Variants in OMD observed in about 807,000 individuals in gnomAD.
OMD encodes osteomodulin.
Under a neutral mutation model 31.2 loss-of-function variants are expected in OMD, and 19 were observed. The ratio of observed to expected loss-of-function variants is 0.61; its 90% CI spans 0.42 to 0.89. OMD has a LOEUF of 0.89. Ranked by LOEUF, OMD falls within the 40% of genes least tolerant of loss-of-function variation. The pLI, the probability that OMD is intolerant of heterozygous loss-of-function variation, is 0.00. For synonymous variants in OMD, 155 were observed against 166.4 expected, an observed-to-expected ratio of 0.93 and a Z score of 0.53; for missense variants, 448 against 490.8, an observed-to-expected ratio of 0.91 and a Z score of 0.82.
intron 1 of OMD, among the ~76,000 whole-genome samples, chr9:92,421,515 G>A (rs1843793843): frequency 1.3e-5 from 2 of 152,256 alleles, no homozygotes; most frequent in Admixed American, 1.3e-4. Flanking sequence ...CCAAAGGGCA[G>A]TGTTCAGAGC....
At chr9:92,419,408 C>G (rs1843718941) in intron 1 of OMD, among the ~76,000 whole-genome samples, 1 of 147,828 alleles carries the variant, frequency 6.8e-6, no homozygotes, top group South Asian at 2.2e-4. Context: ...TTAAGCAATT[C>G]TCCTGCCTCA....
At position 92,417,582 on chromosome 9, in the gene OMD, A is replaced by G. The variant is rs1013099278; in HGVS notation, c.-16-8T>C. On this transcript the variant is annotated splice_polypyrimidine_tract_variant and splice_region_variant and intron_variant, in intron 1 of 2. Coordinates refer to ENST00000375550, the MANE Select transcript of OMD (RefSeq NM_005014.3). ...ATCTTCTTTTTTTTTTTCCTATTGCAAGGAGAAAAGGAAACATTGTGGAGA... is the reference window on the plus strand; with the variant it reads ...ATCTTCTTTTTTTTTTTCCTATTGCGAGGAGAAAAGGAAACATTGTGGAGA... 1.0e-5 allele frequency: 14 copies of G among 1,392,934 alleles called. No homozygotes were observed. Among genetic ancestry groups the G allele is most frequent in the South Asian group, 1.3e-5 (1 of 74,278 alleles). The allele number at this position is 1,392,934 out of a possible 1,614,324, so 86.3% of individuals were successfully genotyped here.
chr9:92,420,357 T>C (rs2130967296), intron 1 of OMD, among the ~76,000 whole-genome samples: 1 of 152,338 alleles, frequency 6.6e-6, no homozygotes, highest in East Asian at 1.9e-4. Flanking sequence ...CTTTTGCACA[T>C]GCCCTAAACT....
chr9:92,419,772 T>C (rs1389904038), intron 1 of OMD, among the ~76,000 whole-genome samples: 1 of 152,194 alleles, frequency 6.6e-6, no homozygotes, highest in Non-Finnish European at 1.5e-5. Flanking sequence ...CTTTCTACTT[T>C]TCCCACCCAG....
intron 1 of OMD, among the ~76,000 whole-genome samples, chr9:92,423,959 AT>A (rs906284166): frequency 7.9e-5 from 12 of 152,138 alleles, no homozygotes; most frequent in African/African-American, 2.9e-4. Flanking sequence ...GTAAAAAAAA[AT>A]CTAAACAAAG....
chr9:92,419,741 C>A (rs1843730158), intron 1 of OMD, among the ~76,000 whole-genome samples: 1 of 152,100 alleles, frequency 6.6e-6, no homozygotes, highest in Non-Finnish European at 1.5e-5. Context: ...TTAAAAAATC[C>A]TACCTCTTTT....
At chr9:92,422,135 C>T (rs542213157) in intron 1 of OMD, among the ~76,000 whole-genome samples, 4 of 152,064 alleles carry the variant, frequency 2.6e-5, no homozygotes, top group African/African-American at 9.6e-5. Flanking sequence ...ACTGCAACCT[C>T]CGCCTCCCAG....
Position 92,417,037 on chromosome 9 carries a change from G to A in OMD, c.522C>T (p.Ile174=). The change falls in exon 2 of 3, where the codon ATC becomes ATT. Residue 174 remains isoleucine, a synonymous_variant. Coordinates refer to ENST00000375550, the MANE Select transcript of OMD (RefSeq NM_005014.3). The part of the protein sequence containing the change: ...LERLLLGYNE[I]SKLQTNAMDG... ...CCATAGCATTTGTCTGCAGTTTGGA[G>A]ATTTCATTGTAACCAAGAAGGAGTC... is the stretch of plus-strand genomic sequence containing the variant. The A allele has an allele frequency of 2.5e-6, 4 of 1,614,056 alleles. No homozygotes were observed. The highest frequency in any genetic ancestry group is 3.4e-6 in the Non-Finnish European group (4 of 1,179,970).
At chr9:92,416,074 ATTTATTTATT>A (rs1564309139) in intron 2 of OMD, among the ~76,000 whole-genome samples, 5 of 136,020 alleles carry the variant, frequency 3.7e-5, no homozygotes, top group African/African-American at 8.0e-5. Flanking sequence ...ATATATATTT[ATTTATTTATT>A]TATTTATTTA....
chr9:92,422,005 G>A (rs1453887397), intron 1 of OMD, among the ~76,000 whole-genome samples: 5 of 151,810 alleles, frequency 3.3e-5, no homozygotes, highest in South Asian at 2.1e-4. Context: ...GATATTTTAT[G>A]TATAATTTTA....
At position 92,417,190 on chromosome 9, in the gene OMD, G is replaced by T. The variant is rs1225973003; in HGVS notation, c.369C>A (p.Ser123Arg). Residue 123 changes from serine (S) to arginine (R), a missense_variant, in exon 2 of 3, where the codon AGC (serine) becomes AGA (arginine). Physicochemically the swap from Ser to Arg is moderately radical, Grantham distance 110 (BLOSUM62 -1). Transcript: ENST00000375550. ...TCTTTTGAGATTTAATTTTGTTGTG[G>T]CTGAGGTTAATTTCTTTAAGATGAG... ...NATHLKEINLSHNKIKSQKID... is the reference protein window; with the variant it reads ...NATHLKEINLRHNKIKSQKID... 1.2e-6 allele frequency: 2 copies of T among 1,613,860 alleles called. No individual in the cohort carries two copies. The highest frequency in any genetic ancestry group is 1.3e-5 in the African/African-American group (1 of 75,034).
In OMD at chr9:92,417,092, A is replaced by G; in HGVS notation, c.467T>C (p.Phe156Ser). The change falls in exon 2 of 3, where the codon TTT becomes TCT. Residue 156 changes from phenylalanine (F) to serine (S), a missense_variant. Transcript: ENST00000375550. ...CAGAGATTTAGGAAGAGGAAATGGA[A>G]ATTCTTCTAAATTATTATGCTCTAG... is the stretch of plus-strand genomic sequence containing the variant. ...LHLEHNNLEEFPFPLPKSLER... is the reference protein window; with the variant it reads ...LHLEHNNLEESPFPLPKSLER... The G allele has an allele frequency of 1.9e-6, 3 of 1,613,830 alleles. No individual in the cohort carries two copies. The highest frequency in any genetic ancestry group is 2.5e-6 in the Non-Finnish European group (3 of 1,179,880).
chr9:92,418,442 G>C (rs1843687744), intron 1 of OMD, among the ~76,000 whole-genome samples: 1 of 151,602 alleles, frequency 6.6e-6, no homozygotes, highest in Non-Finnish European at 1.5e-5. Flanking sequence ...CAAAAGTCTG[G>C]TATACTAGAC....
Position 92,416,799 on chromosome 9 carries a change from C to A in OMD, c.760G>T (p.Asp254Tyr). The A allele has an allele frequency of 1.2e-6, 2 of 1,613,644 alleles. No individual in the cohort carries two copies. Among genetic ancestry groups the A allele is most frequent in the South Asian group, 2.2e-5 (2 of 91,042 alleles). Residue 254 changes from aspartate to tyrosine, a missense_variant, in exon 2 of 3, where the codon GAC becomes TAC. By Grantham distance (160) the Asp-to-Tyr change is radical. Transcript: ENST00000375550. ...AGAGTATGAAGTTTTGGAAGTTTGT[C>A]GAAGTATTTTTCGGGTATAGAAGAA... ...SISSIPEKYF[D>Y]KLPKLHTLRM... is the part of the protein sequence containing the mutation.
At chr9:92,423,104 TATG>T (rs1843862597) in intron 1 of OMD, among the ~76,000 whole-genome samples, 1 of 152,224 alleles carries the variant, frequency 6.6e-6, no homozygotes, top group South Asian at 2.1e-4. Context: ...TTTATTTCAC[TATG>T]ATAATTTCTT....
Position 92,415,056 on chromosome 9 carries a change from T to C in OMD, c.*96A>G, listed in dbSNP as rs537082423. ...CTGATCTTATACTAATACATAATTC[T>C]AAATATATTACTTTGAGTAATACAT... On this transcript the variant is annotated 3_prime_UTR_variant, in exon 3 of 3. Coordinates refer to ENST00000375550, the MANE Select transcript of OMD (RefSeq NM_005014.3). The C allele has an allele frequency of 1.9e-5, 18 of 934,558 alleles. 1 individual carries two copies. In the South Asian group the frequency reaches 3.5e-4, roughly 18 times the overall value. 57.9% of individuals were successfully genotyped at this position (934,558 alleles called of 1,614,324 possible).
rs1193496794 is a variant in OMD, at chr9:92,421,749, G to A, written c.-17+2453C>T. The stretch of plus-strand genomic sequence containing the variant: ...TGGAGAATACAGAAATGAAGAAGAC[G>A]TGAAGCCATAGTCCCTTCTGTAAAG... On this transcript the variant is annotated intron_variant, in intron 1 of 2. Transcript: ENST00000375550. 3.9e-5 allele frequency among the ~76,000 whole-genome samples: 6 copies of A among 152,224 alleles called. 1 individual carries two copies. Among genetic ancestry groups the A allele is most frequent in the East Asian group, 3.8e-4 (2 of 5,204 alleles).
At chr9:92,416,563 TAAAA>T in intron 2 of OMD, 52 bp downstream of exon 2, 1 of 1,134,852 alleles carries the variant, frequency 8.8e-7, no homozygotes, top group South Asian at 1.7e-5. Context: ...TTTTTTTCTT[TAAAA>T]GATCAGGATT....
chr9:92,420,634 T>A (rs1025973301), intron 1 of OMD, among the ~76,000 whole-genome samples: 4 of 152,192 alleles, frequency 2.6e-5, no homozygotes, highest in Non-Finnish European at 4.4e-5. Context: ...TTTTGGGTGA[T>A]GACCTTGCTT....
Sources: gnomAD v4.1 joint callset for allele counts (sites outside exome capture counted in the v4.1 genomes callset) on GRCh38, gnomAD v4.1.1 for gene constraint, MANE v1.5 for transcripts, NCBI Gene and HGNC (gene_info 2026-07-23, HGNC 2026-07-21) for gene names.